The following ZNF729 variants were observed in gnomAD, a reference collection of about 807,000 sequenced individuals.
The protein encoded by ZNF729 is zinc finger protein 729.
ZNF729 carries 15 observed loss-of-function variants against 12.2 expected under a neutral mutation model. That is an observed-to-expected ratio of 1.23 (90% CI 0.82 to 1.89). ZNF729 has a LOEUF of 1.89. Among genes scored for constraint, ZNF729 ranks in the 40% most tolerant of loss-of-function variants. The pLI is 0.00. For missense variants in ZNF729, 1,540 were observed against 1,456.7 expected (o/e 1.06, Z -0.93); for synonymous variants, 492 against 476.3 (o/e 1.03, Z -0.43).
chr19:22,313,573 C>T, intron 3 of ZNF729, 98 bp from the exon 4 acceptor site: 3 of 1,092,548 alleles, frequency 2.7e-6, no homozygotes, highest in Non-Finnish European at 3.7e-6. Flanking sequence ...TTTGCTGTGC[C>T]ATCTTATGTG....
intron 3 of ZNF729, among the ~76,000 whole-genome samples, chr19:22,312,477 T>TGTGTGTGTGTGTG (rs1491132977): frequency 4.1e-5 from 6 of 147,260 alleles, no homozygotes; most frequent in South Asian, 4.4e-4. Context: ...TGTGTGTGTG[T>TGTGTGTGTGTGTG]TTAGATAAAG....
In ZNF729 at chr19:22,315,575, G is replaced by C; in HGVS notation, c.2158G>C (p.Ala720Pro). 6.2e-7 allele frequency: 1 copy of C among 1,609,796 alleles called. No homozygotes were observed. Among genetic ancestry groups the C allele is most frequent in the Non-Finnish European group, 8.5e-7 (1 of 1,179,074 alleles). ...KPYKCEECGK[A>P]FKWSSKLTVH... The stretch of plus-strand genomic sequence containing the variant: ...CTACAAATGTGAAGAATGTGGTAAA[G>C]CTTTTAAGTGGTCATCAAAACTTAC... Residue 720 changes from alanine (A) to proline (P), a missense_variant, in exon 4 of 4, where the codon GCT (alanine) becomes CCT (proline). Transcript: ENST00000601693.
At position 22,303,744 on chromosome 19, in the gene ZNF729, G is replaced by A. The variant is rs569966326; in HGVS notation, c.31-14G>A. The A allele has an allele frequency of 4.6e-5, 71 of 1,534,610 alleles. No individual in the cohort carries two copies. The Middle Eastern group carries it at 7.0e-4, about 15-fold the overall frequency. On this transcript the variant is annotated splice_polypyrimidine_tract_variant and intron_variant, in intron 1 of 3. Transcript: ENST00000601693. ...CTTGGGAAATGTATATGTGTCTTTC[G>A]TTGTGTTTTTCAGGGACCATTGACA...
At position 22,314,155 on chromosome 19, in the gene ZNF729, A is replaced by G. The variant is rs45473510; in HGVS notation, c.738A>G (p.Lys246=). 2,277 of 1,564,712 alleles carry G rather than the reference A, an allele frequency of 1.5e-3. 11 individuals are homozygous for G. Among genetic ancestry groups the G allele is most frequent in the Non-Finnish European group, 1.4e-3 (1,601 of 1,156,104 alleles). ...ATAAGAAATGTGGCAATGCCTTTAA[A>G]TTTTCTTCAACGTTCACTAAACATA... is the stretch of plus-strand genomic sequence containing the variant. ...YKYKKCGNAF[K]FSSTFTKHKR... is the part of the protein sequence containing the mutation. Residue 246 remains lysine (K), a synonymous_variant, in exon 4 of 4, where the codon AAA becomes AAG. Coordinates refer to ENST00000601693, the MANE Select transcript of ZNF729 (RefSeq NM_001242680.2).
In ZNF729 at chr19:22,314,616, G is replaced by T; in HGVS notation, c.1199G>T (p.Gly400Val). Residue 400 changes from glycine (G) to valine (V), a missense_variant, in exon 4 of 4, where the codon GGA becomes GTA. Gly to Val is a moderately radical substitution (Grantham distance 109, BLOSUM62 -3). Coordinates refer to ENST00000601693, the MANE Select transcript of ZNF729 (RefSeq NM_001242680.2). Reference sequence around the variant, plus strand: ...ACTGTACATAAGGTAGTTCATACTGGAGAGAAACCCTACAAATGTGAAGAA... The same window carrying T: ...ACTGTACATAAGGTAGTTCATACTGTAGAGAAACCCTACAAATGTGAAGAA... ...KLTVHKVVHT[G>V]EKPYKCEECG... 1 of 1,611,674 alleles carries T rather than the reference G, an allele frequency of 6.2e-7. No homozygotes were observed. The highest frequency in any genetic ancestry group is 8.5e-7 in the Non-Finnish European group (1 of 1,179,786).
chr19:22,314,641 A>G lies in ZNF729; in HGVS notation c.1224A>G (p.Glu408=). The change falls in exon 4 of 4, where the codon GAA becomes GAG. Residue 408 remains glutamate (E), a synonymous_variant. Coordinates refer to ENST00000601693, the MANE Select transcript of ZNF729 (RefSeq NM_001242680.2). ...HTGEKPYKCE[E]CGKAFSQFST... The stretch of plus-strand genomic sequence containing the variant: ...GAGAGAAACCCTACAAATGTGAAGA[A>G]TGTGGCAAAGCTTTTAGCCAGTTCT... 12 of 1,612,616 alleles carry G rather than the reference A, an allele frequency of 7.4e-6. No homozygotes were observed. Among genetic ancestry groups the G allele is most frequent in the Non-Finnish European group, 1.0e-5 (12 of 1,179,882 alleles).
rs775095643 is a variant in ZNF729, at chr19:22,316,573, A to G, written c.3156A>G (p.Glu1052=). 18 of 1,613,524 alleles carry G rather than the reference A, an allele frequency of 1.1e-5. No homozygotes were observed. In the Middle Eastern group the frequency reaches 4.9e-4, roughly 44 times the overall value. The change falls in exon 4 of 4, where the codon GAA becomes GAG. Residue 1052 remains glutamate, a synonymous_variant. Coordinates refer to ENST00000601693, the MANE Select transcript of ZNF729 (RefSeq NM_001242680.2). ...GGGAGAAACCCTACAAATGTGAAGA[A>G]TGTGGTAAAGCTTTTAAGTGGTCCT... is the stretch of plus-strand genomic sequence containing the variant. ...HTGEKPYKCE[E]CGKAFKWSSK... is the part of the protein sequence containing the mutation.
chr19:22,314,291 T>C lies in ZNF729; in HGVS notation c.874T>C (p.Tyr292His). 6.2e-7 allele frequency: 1 copy of C among 1,610,632 alleles called. No individual in the cohort carries two copies. The highest frequency in any genetic ancestry group is 1.3e-5 in the African/African-American group (1 of 74,994). The change falls in exon 4 of 4, where the codon TAC (tyrosine) becomes CAC (histidine). Residue 292 changes from tyrosine to histidine, a missense_variant. By Grantham distance (83) the Tyr-to-His change is moderately conservative. Coordinates refer to ENST00000601693, the MANE Select transcript of ZNF729 (RefSeq NM_001242680.2). ...GAGAATTCATACTGGAGAGAAAACC[T>C]ACAAATGTGAAGAATGTGGCAAAGC... ...HKRIHTGEKT[Y>H]KCEECGKAFK...
chr19:22,297,287 G>GTT (rs35796469), intron 1 of ZNF729, among the ~76,000 whole-genome samples: 6 of 143,640 alleles, frequency 4.2e-5, no homozygotes, highest in African/African-American at 1.3e-4. Context: ...TTTCTCTTCT[G>GTT]TTTTTTTTTT....
intron 1 of ZNF729, 104 bp downstream of exon 1, chr19:22,286,659 A>G (rs138388808): frequency 0.011 from 15,295 of 1,418,452 alleles, 101 homozygotes; most frequent in Non-Finnish European, 0.013. Context: ...CAGCTCCACA[A>G]TCTGCGCCTG....
At chr19:22,311,149 C>T (rs923447981) in intron 3 of ZNF729, among the ~76,000 whole-genome samples, 1 of 151,806 alleles carries the variant, frequency 6.6e-6, no homozygotes, top group African/African-American at 2.4e-5. Flanking sequence ...GTTTTTGTTT[C>T]ATTTATCTTT....
At chr19:22,286,644 G>T (rs950922435) in intron 1 of ZNF729, 89 bp downstream of exon 1, 5 of 1,516,678 alleles carry the variant, frequency 3.3e-6, no homozygotes, top group African/African-American at 2.7e-5. Flanking sequence ...CGGCCTCCCC[G>T]CAGTCAGCTC....
At chr19:22,288,046 A>G (rs1236155797) in intron 1 of ZNF729, among the ~76,000 whole-genome samples, 2 of 151,914 alleles carry the variant, frequency 1.3e-5, no homozygotes, top group Non-Finnish European at 2.9e-5. Context: ...GAGTTTCACT[A>G]TGTTGGCCAG....
intron 1 of ZNF729, among the ~76,000 whole-genome samples, chr19:22,295,486 G>C (rs547800299): frequency 1.3e-4 from 19 of 150,672 alleles, no homozygotes; most frequent in African/African-American, 3.9e-4. Flanking sequence ...CGCCTCCCGT[G>C]TTCACGCCAT....
chr19:22,294,947 G>A (rs1341605029), intron 1 of ZNF729, among the ~76,000 whole-genome samples: 3 of 151,766 alleles, frequency 2.0e-5, no homozygotes, highest in East Asian at 1.9e-4. Context: ...ATGAGCTACC[G>A]TGCCTGGCCG....
At position 22,317,127 on chromosome 19, in the gene ZNF729, A is replaced by C. The variant is rs778787859; in HGVS notation, c.3710A>C (p.His1237Pro). ...CACACCTTACTAGACAAAACAATTC[A>C]TACTGGAGAGAAACCCTACAAATGT... ...NPHTLLDKTIHTGEKPYKCEE... is the reference protein window; with the variant it reads ...NPHTLLDKTIPTGEKPYKCEE... The change falls in exon 4 of 4, where the codon CAT (histidine) becomes CCT (proline). Residue 1237 changes from histidine to proline, a missense_variant. Physicochemically the swap from His to Pro is moderately conservative, Grantham distance 77 (BLOSUM62 -2). Coordinates refer to ENST00000601693, the MANE Select transcript of ZNF729 (RefSeq NM_001242680.2). 3 of 1,601,816 alleles carry C rather than the reference A, an allele frequency of 1.9e-6. No individual in the cohort carries two copies. The Admixed American group carries it at 5.2e-5, about 28-fold the overall frequency.
At chr19:22,298,005 C>CAAAAAAAAAAAAAAAAAA (rs34435303) in intron 1 of ZNF729, among the ~76,000 whole-genome samples, 1 of 68,136 alleles carries the variant, frequency 1.5e-5, no homozygotes, top group Non-Finnish European at 2.7e-5. Context: ...AACTCCATCT[C>CAAAAAAAAAAAAAAAAAA]AAAAAAAAAA....
chr19:22,290,390 T>C (rs930272031), intron 1 of ZNF729, among the ~76,000 whole-genome samples: 33 of 152,292 alleles, frequency 2.2e-4, no homozygotes, highest in Non-Finnish European at 7.3e-5. Context: ...TAGATTTATG[T>C]TGGAAAAAGA....
intron 1 of ZNF729, among the ~76,000 whole-genome samples, chr19:22,287,915 G>T (rs1421907782): frequency 7.0e-6 from 1 of 143,778 alleles, no homozygotes; most frequent in Non-Finnish European, 1.5e-5. Flanking sequence ...TCCTGATCTT[G>T]GCTCACCACA....
Sources: allele counts gnomAD v4.1 joint callset (sites outside exome capture counted in the v4.1 genomes callset), GRCh38; gene constraint gnomAD v4.1.1; transcripts MANE v1.5; gene names NCBI Gene and HGNC (gene_info 2026-07-23, HGNC 2026-07-21).